ZMPSTE24: variants seen among roughly 807,000 people sequenced by gnomAD.
The protein encoded by ZMPSTE24 is zinc metallopeptidase STE24.
A neutral mutation model predicts 56.7 loss-of-function variants in ZMPSTE24; 48 were observed. The ratio of observed to expected loss-of-function variants is 0.85; its 90% CI spans 0.67 to 1.08. ZMPSTE24 has a LOEUF of 1.08. ZMPSTE24 is among the 50% of genes least tolerant of loss of function. The pLI is 0.00. For missense variants in ZMPSTE24, 503 were observed against 548.7 expected, an observed-to-expected ratio of 0.92 and a Z score of 0.83; for synonymous variants, 172 against 195.2, an observed-to-expected ratio of 0.88 and a Z score of 0.99.
chr1:40,262,840 A>G (rs1225007416), intron 2 of ZMPSTE24: 54 of 1,156,978 alleles, frequency 4.7e-5, no homozygotes, highest in Non-Finnish European at 5.6e-5. Flanking sequence ...CCAGTTCCAG[A>G]GAATTGTTGA....
chr1:40,284,658 A>G (rs1257530091), intron 7 of ZMPSTE24, among the ~76,000 whole-genome samples: 1 of 152,172 alleles, frequency 6.6e-6, no homozygotes, highest in Non-Finnish European at 1.5e-5. Context: ...AGGCTGAAGC[A>G]CAAGAATCAC....
intron 2 of ZMPSTE24, among the ~76,000 whole-genome samples, chr1:40,265,458 G>A (rs1376372039): frequency 6.6e-6 from 1 of 152,176 alleles, no homozygotes; most frequent in Non-Finnish European, 1.5e-5. Flanking sequence ...GCTCATGCCT[G>A]TAATCCCAGC....
intron 2 of ZMPSTE24, among the ~76,000 whole-genome samples, chr1:40,262,223 A>T (rs1231081724): frequency 1.3e-5 from 2 of 152,260 alleles, no homozygotes; most frequent in Non-Finnish European, 2.9e-5. Flanking sequence ...GTATGGAATA[A>T]TAAGACTAGT....
chr1:40,287,027 C>G (rs763223952), intron 8 of ZMPSTE24, among the ~76,000 whole-genome samples: 3 of 151,820 alleles, frequency 2.0e-5, no homozygotes, highest in Non-Finnish European at 4.4e-5. Flanking sequence ...CCACCACTCC[C>G]GGCCTCTAGA....
chr1:40,290,211 C>A (rs55674553), intron 8 of ZMPSTE24, among the ~76,000 whole-genome samples: 1 of 151,220 alleles, frequency 6.6e-6, no homozygotes, highest in Non-Finnish European at 1.5e-5. Flanking sequence ...CAGTGAAACC[C>A]CGTCTCTTCT....
chr1:40,273,537 A>AAAAAAAAAAATATATATATATAT (rs1224234676), intron 6 of ZMPSTE24, among the ~76,000 whole-genome samples: 1 of 12,388 alleles, frequency 8.1e-5, no homozygotes, highest in African/African-American at 1.8e-4. Context: ...AAAAAAAAAA[A>AAAAAAAAAAATATATATATATAT]ATATATATAT....
intron 6 of ZMPSTE24, among the ~76,000 whole-genome samples, chr1:40,280,661 A>G (rs1444094640): frequency 2.0e-5 from 3 of 152,100 alleles, no homozygotes; most frequent in East Asian, 3.9e-4. Context: ...CCTGACTTCA[A>G]GTGATCCGCC....
intron 8 of ZMPSTE24, among the ~76,000 whole-genome samples, chr1:40,287,073 CT>C (rs139472090): frequency 1.7e-4 from 24 of 144,706 alleles, no homozygotes; most frequent in South Asian, 2.2e-4. Context: ...TTTTTCTTTT[CT>C]TTTTTTTTTT....
intron 6 of ZMPSTE24, among the ~76,000 whole-genome samples, chr1:40,275,265 CAA>C (rs869166476): frequency 5.2e-5 from 2 of 38,626 alleles, no homozygotes; most frequent in Admixed American, 3.4e-4. Context: ...ACTAAAAATA[CAA>C]AAAAAAAAAA....
rs770003597 is a variant in ZMPSTE24 at position 40,281,329 on chromosome 1, T to C, written c.770-14T>C. On this transcript the variant is annotated splice_polypyrimidine_tract_variant and intron_variant, in intron 6 of 9. Coordinates refer to ENST00000372759, the MANE Select transcript of ZMPSTE24 (RefSeq NM_005857.5). ...TTTAATTATATTCCATGCTTTGAAC[T>C]GTCTTTTCCTTAGGATCTAAACGCT... The C allele has an allele frequency of 1.2e-5, 19 of 1,613,674 alleles. No individual in the cohort carries two copies. In the Admixed American group the frequency reaches 3.0e-4, roughly 25 times the overall value.
chr1:40,289,514 T>C (rs1643818878), intron 8 of ZMPSTE24, among the ~76,000 whole-genome samples: 1 of 152,242 alleles, frequency 6.6e-6, no homozygotes, highest in Admixed American at 6.5e-5. Flanking sequence ...GTTATAAGGA[T>C]GAGTGTCGAA....
chr1:40,274,082 G>T (rs1643645802), intron 6 of ZMPSTE24, among the ~76,000 whole-genome samples: 1 of 152,092 alleles, frequency 6.6e-6, no homozygotes, highest in Admixed American at 6.5e-5. Context: ...AAAGGCTTGG[G>T]TTTGAATCAT....
chr1:40,281,580 G>C, intron 7 of ZMPSTE24, 53 bp downstream of exon 7: 1 of 1,559,540 alleles, frequency 6.4e-7, no homozygotes, highest in Non-Finnish European at 8.8e-7. Flanking sequence ...CACAGTTCCT[G>C]TGACAACTCA....
chr1:40,290,584 C>A, intron 8 of ZMPSTE24: 1 of 344,332 alleles, frequency 2.9e-6, no homozygotes, highest in Non-Finnish European at 5.5e-6. Context: ...CCTCAGCCTC[C>A]CGAGTAGCTG....
intron 2 of ZMPSTE24, among the ~76,000 whole-genome samples, chr1:40,261,687 GT>G (rs542123589): frequency 2.0e-5 from 3 of 151,898 alleles, no homozygotes; most frequent in African/African-American, 4.8e-5. Context: ...ATAATGTGGG[GT>G]TTTTTTGTTG....
rs749183506 is a variant in ZMPSTE24, at chr1:40,269,998, T to A, written c.498T>A (p.Asp166Glu). 2.5e-6 allele frequency: 4 copies of A among 1,613,690 alleles called. No individual in the cohort carries two copies. Among genetic ancestry groups the A allele is most frequent in the Non-Finnish European group, 3.4e-6 (4 of 1,179,890 alleles). The change falls in exon 5 of 10, where the codon GAT becomes GAA. Residue 166 changes from aspartate to glutamate, a missense_variant. Transcript: ENST00000372759. ...NQQTLGFFMK[D>E]AIKKFVVTQC... is the part of the protein sequence containing the mutation. ...AGACTTTGGGGTTCTTCATGAAAGA[T>A]GCAATCAAGAAATTTGTTGTGACTC...
chr1:40,259,695 C>T (rs977367427), intron 1 of ZMPSTE24, among the ~76,000 whole-genome samples: 2 of 152,148 alleles, frequency 1.3e-5, no homozygotes, highest in Admixed American at 6.5e-5. Flanking sequence ...GCCTCGAACT[C>T]GTGGGCTCAA....
intron 2 of ZMPSTE24, among the ~76,000 whole-genome samples, chr1:40,263,443 A>T (rs193179799): frequency 6.6e-6 from 1 of 152,348 alleles, no homozygotes; most frequent in East Asian, 1.9e-4. Context: ...TTGCCAAGGG[A>T]CATGCTAATA....
intron 6 of ZMPSTE24, among the ~76,000 whole-genome samples, chr1:40,280,496 C>T (rs1226514696): frequency 6.6e-6 from 1 of 151,914 alleles, no homozygotes; most frequent in Non-Finnish European, 1.5e-5. Flanking sequence ...GACATCTCTG[C>T]TCACTGCAAC....
Sources: allele counts gnomAD v4.1 joint callset (sites outside exome capture counted in the v4.1 genomes callset), GRCh38; gene constraint gnomAD v4.1.1; transcripts MANE v1.5; gene names NCBI Gene and HGNC (gene_info 2026-07-23, HGNC 2026-07-21).